BMAL2: variants seen among roughly 807,000 people sequenced by gnomAD.
The protein encoded by BMAL2 is basic helix-loop-helix ARNT like 2, also known as basic helix-loop-helix ARNT-like protein 2.
chr12:27,414,903 C>G, the BMAL2 span, among the ~76,000 whole-genome samples: 13,588 of 151,880 alleles, frequency 0.089, 629 homozygotes, highest in South Asian at 0.13. Context: ...AGAGAAGTCT[C>G]AAATTATAAA....
At chr12:27,424,921 G>A in the BMAL2 span, 28 of 152,196 alleles carry the variant, frequency 1.8e-4, no homozygotes, top group African/African-American at 6.8e-4. Context: ...AGCCTGTCTG[G>A]TGTGAGTTGT....
At chr12:27,402,500 G>A in the BMAL2 span, 2 of 750,360 alleles carry the variant, frequency 2.7e-6, no homozygotes, top group Non-Finnish European at 4.3e-6. Context: ...AACAATATGT[G>A]TATATAAAAC....
At chr12:27,380,860 C>A in the BMAL2 span, among the ~76,000 whole-genome samples, 2 of 151,878 alleles carry the variant, frequency 1.3e-5, no homozygotes, top group Non-Finnish European at 2.9e-5. Context: ...GTCTTGCGTG[C>A]TTGTAGTCCC....
the BMAL2 span, among the ~76,000 whole-genome samples, chr12:27,396,912 G>C: frequency 2.0e-5 from 3 of 152,176 alleles, no homozygotes; most frequent in Admixed American, 2.0e-4. Context: ...TTGCCACCTG[G>C]ATGACCTGCT....
chr12:27,391,683 T>C, the BMAL2 span, among the ~76,000 whole-genome samples: 1 of 152,222 alleles, frequency 6.6e-6, no homozygotes, highest in Admixed American at 6.5e-5. Flanking sequence ...ACTTTTCTTA[T>C]CTCTATTTTA....
At chr12:27,396,140 T>A in the BMAL2 span, among the ~76,000 whole-genome samples, 3 of 152,328 alleles carry the variant, frequency 2.0e-5, no homozygotes, top group Admixed American at 6.5e-5. Flanking sequence ...TTTGAAACCA[T>A]CCAGTCTGGA....
chr12:27,399,902 G>A, the BMAL2 span, among the ~76,000 whole-genome samples: 1 of 152,128 alleles, frequency 6.6e-6, no homozygotes, highest in African/African-American at 2.4e-5. Flanking sequence ...TATTATTTTG[G>A]TGGACATGCT....
At chr12:27,349,966 T>C in the BMAL2 span, among the ~76,000 whole-genome samples, 1 of 152,198 alleles carries the variant, frequency 6.6e-6, no homozygotes, top group Non-Finnish European at 1.5e-5. Flanking sequence ...AGTGTTTTCA[T>C]TGTGGCAGGG....
At chr12:27,371,892 A>C in the BMAL2 span, among the ~76,000 whole-genome samples, 1 of 152,176 alleles carries the variant, frequency 6.6e-6, no homozygotes, top group Non-Finnish European at 1.5e-5. Flanking sequence ...TAGCATTCCC[A>C]TTCTCCTCTC....
chr12:27,332,999 C>G, the BMAL2 span: 1 of 1,127,208 alleles, frequency 8.9e-7, no homozygotes, highest in Non-Finnish European at 1.1e-6. Context: ...CCGCCTGGGC[C>G]GGGGCAGGGC....
At chr12:27,397,746 AGTT>A in the BMAL2 span, among the ~76,000 whole-genome samples, 8 of 152,244 alleles carry the variant, frequency 5.3e-5, no homozygotes, top group Non-Finnish European at 8.8e-5. Flanking sequence ...AGGTATCTGA[AGTT>A]GTGAAATCGC....
the BMAL2 span, chr12:27,400,651 T>C: frequency 1.9e-6 from 3 of 1,614,042 alleles, no homozygotes; most frequent in Non-Finnish European, 2.5e-6. Context: ...TTTACCTGCC[T>C]TGTGGCCATT....
the BMAL2 span, among the ~76,000 whole-genome samples, chr12:27,361,168 A>G: frequency 6.6e-6 from 1 of 152,142 alleles, no homozygotes; most frequent in Non-Finnish European, 1.5e-5. Context: ...CAAATTCCAA[A>G]TTTGAACCCA....
chr12:27,394,974 C>G, the BMAL2 span, among the ~76,000 whole-genome samples: 53 of 152,374 alleles, frequency 3.5e-4, no homozygotes, highest in African/African-American at 1.2e-3. Context: ...ACCTCCATCT[C>G]TAGGCTTCCA....
At chr12:27,372,203 C>T in the BMAL2 span, among the ~76,000 whole-genome samples, 2 of 139,870 alleles carry the variant, frequency 1.4e-5, no homozygotes, top group East Asian at 4.2e-4. Flanking sequence ...TGCACTCCAG[C>T]CTGGGTGACA....
the BMAL2 span, among the ~76,000 whole-genome samples, chr12:27,346,392 C>T: frequency 6.6e-6 from 1 of 152,148 alleles, no homozygotes; most frequent in Non-Finnish European, 1.5e-5. Context: ...TCCTGAGTAG[C>T]TGGGACTACA....
the BMAL2 span, among the ~76,000 whole-genome samples, chr12:27,358,276 C>T: frequency 6.6e-6 from 1 of 152,032 alleles, no homozygotes; most frequent in Non-Finnish European, 1.5e-5. Flanking sequence ...AAATGGCCAA[C>T]AAACATATGA....
chr12:27,403,593 A>G, the BMAL2 span: 1 of 1,155,398 alleles, frequency 8.7e-7, no homozygotes, highest in African/African-American at 1.6e-5. Flanking sequence ...TCATATTTAT[A>G]AAATCAATAT....
At chr12:27,409,164 A>G in the BMAL2 span, among the ~76,000 whole-genome samples, 1 of 152,172 alleles carries the variant, frequency 6.6e-6, no homozygotes, top group Non-Finnish European at 1.5e-5. Flanking sequence ...AAATGGCCAT[A>G]CTGCCCAAGG....
Sources: allele counts gnomAD v4.1 joint callset (sites outside exome capture counted in the v4.1 genomes callset), GRCh38; gene constraint gnomAD v4.1.1; transcripts MANE v1.5; gene names NCBI Gene and HGNC (gene_info 2026-07-23, HGNC 2026-07-21).